MYH16: variants seen among roughly 807,000 people sequenced by gnomAD.
MYH16 encodes the protein myosin heavy chain 16.
chr7:99,270,738 G>A (rs1263216351), intron 18 of MYH16, among the ~76,000 whole-genome samples: 5 of 152,004 alleles, frequency 3.3e-5, no homozygotes, highest in Non-Finnish European at 5.9e-5. Context: ...AATAAATTTA[G>A]CCAGGCATGG....
intron 20 of MYH16, among the ~76,000 whole-genome samples, chr7:99,274,617 C>T (rs540289727): frequency 2.6e-5 from 4 of 151,914 alleles, no homozygotes; most frequent in East Asian, 1.9e-4. Context: ...TTGCCGGTGC[C>T]GCCTGGCTTT....
intron 40 of MYH16, among the ~76,000 whole-genome samples, 192 bp downstream of exon 21, chr7:99,304,948 G>C (rs543356966): frequency 6.6e-6 from 1 of 152,172 alleles, no homozygotes; most frequent in Non-Finnish European, 1.5e-5. Flanking sequence ...TACTTTAGGA[G>C]GCCAAGGCGG....
chr7:99,285,624 C>A (rs542093399), intron 27 of MYH16, among the ~76,000 whole-genome samples, 186 bp downstream of exon 9: 1 of 152,150 alleles, frequency 6.6e-6, no homozygotes, highest in Non-Finnish European at 1.5e-5. Context: ...TTAATCATGA[C>A]GTGAAAGGCA....
intron 11 of MYH16, among the ~76,000 whole-genome samples, chr7:99,259,455 TTTTG>T (rs997846132): frequency 3.3e-5 from 5 of 152,034 alleles, no homozygotes; most frequent in African/African-American, 7.2e-5. Flanking sequence ...CTTTTTTTAT[TTTTG>T]TTTATTTATT....
chr7:99,257,804 G>A (rs1010635502), intron 10 of MYH16, among the ~76,000 whole-genome samples: 2 of 151,914 alleles, frequency 1.3e-5, no homozygotes, highest in Admixed American at 6.6e-5. Flanking sequence ...ACGCCACCAC[G>A]CCTGGCTAAT....
At chr7:99,301,238 G>A (rs2150836501) in intron 37 of MYH16, among the ~76,000 whole-genome samples, 1 of 151,216 alleles carries the variant, frequency 6.6e-6, no homozygotes, top group East Asian at 2.0e-4. Flanking sequence ...AGAAATAAGA[G>A]GACAGAAGAG....
At position 99,282,735 on chromosome 7, in the gene MYH16, C is replaced by T. The variant is rs76019811; in HGVS notation, n.2993-830C>T. On this transcript the variant is annotated intron_variant and non_coding_transcript_variant, in intron 23 of 41. Transcript: ENST00000439784. ...AAAAAAATTAGCTGGGAGGCTGAGG[C>T]GAGAGGGTTGCTTGAGCCCAAGAGG... Among the ~76,000 whole-genome samples, 1,722 of 151,420 alleles carry T rather than the reference C, an allele frequency of 0.011. 118 individuals are homozygous for T. In the South Asian group the frequency reaches 0.19, roughly 17 times the overall value.
chr7:99,281,104 G>C (rs886525951), intron 23 of MYH16, 124 bp downstream of exon 5: 2 of 195,736 alleles, frequency 1.0e-5, no homozygotes, highest in Admixed American at 6.3e-5. Flanking sequence ...TGGGGCCTTA[G>C]GGAAGTTAAG....
chr7:99,254,950 T>C (rs7812063), intron 8 of MYH16, among the ~76,000 whole-genome samples: 122,465 of 151,934 alleles, frequency 0.81, 50,357 homozygotes, highest in Non-Finnish European at 0.9. Context: ...GCCTGGGCAA[T>C]TTAGCAAGAC....
At chr7:99,245,049 A>G (rs1045477012) in intron 2 of MYH16, among the ~76,000 whole-genome samples, 2 of 152,104 alleles carry the variant, frequency 1.3e-5, no homozygotes, top group African/African-American at 4.8e-5. Flanking sequence ...TTCTCTCTCA[A>G]TTCCTCCTGA....
At chr7:99,262,760 C>A (rs1791949799) in intron 13 of MYH16, among the ~76,000 whole-genome samples, 1 of 152,120 alleles carries the variant, frequency 6.6e-6, no homozygotes, top group African/African-American at 2.4e-5. Context: ...ATATGGAGCC[C>A]CCAGTGCTGG....
chr7:99,300,624 T>C lies in MYH16; in HGVS notation n.4933+966T>C, dbSNP rs529699081. On this transcript the variant is annotated intron_variant and non_coding_transcript_variant, in intron 37 of 41. Transcript: ENST00000439784. ...GAGTTCGTGACTGGCCTGGGCATCA[T>C]AGCGAGACCCCATCTCCACAAAAAA... 2.0e-5 allele frequency among the ~76,000 whole-genome samples: 3 copies of C among 152,226 alleles called. No individual in the cohort carries two copies. The East Asian group carries it at 5.8e-4, about 29-fold the overall frequency.
chr7:99,260,493 G>C, intron 12 of MYH16: 1 of 404,220 alleles, frequency 2.5e-6, no homozygotes, highest in Non-Finnish European at 4.7e-6. Flanking sequence ...AATGGGTACT[G>C]AAGTGACTGC....
intron 12 of MYH16, chr7:99,260,570 G>T (rs1231570914): frequency 1.1e-5 from 3 of 262,752 alleles, no homozygotes; most frequent in African/African-American, 2.2e-5. Flanking sequence ...TACTGCATGT[G>T]GGGGAGGGGA....
exon 18 of MYH16, chr7:99,266,967 ACAC>A (rs1274701876): frequency 6.6e-6 from 1 of 152,666 alleles, no homozygotes; most frequent in Admixed American, 6.5e-5. Flanking sequence ...AAAATTGGAC[ACAC>A]CAAGGTAGGG....
chr7:99,296,579 A>G, intron 33 of MYH16, 122 bp from the exon 15 acceptor site: 1 of 387,066 alleles, frequency 2.6e-6, no homozygotes, highest in Non-Finnish European at 5.2e-6. Context: ...CCAATTCCCA[A>G]GGAGTCCGTA....
intron 6 of MYH16, among the ~76,000 whole-genome samples, chr7:99,251,775 G>C (rs1427277348): frequency 6.6e-6 from 1 of 152,120 alleles, no homozygotes; most frequent in East Asian, 1.9e-4. Context: ...TTTGAGACCA[G>C]CCTCGGCAAC....
At chr7:99,289,446 G>A in intron 30 of MYH16, 42 bp downstream of exon 11, 2 of 315,550 alleles carry the variant, frequency 6.3e-6, no homozygotes, top group South Asian at 4.6e-5. Context: ...AGCAGTGCAT[G>A]GAAAGGAACT....
chr7:99,304,996 G>A, intron 40 of MYH16, among the ~76,000 whole-genome samples: 1 of 152,032 alleles, frequency 6.6e-6, no homozygotes, highest in Non-Finnish European at 1.5e-5. Context: ...GACCAGCCGG[G>A]GCAACATAGT....
Sources: allele counts gnomAD v4.1 joint callset (sites outside exome capture counted in the v4.1 genomes callset), GRCh38; gene constraint gnomAD v4.1.1; transcripts MANE v1.5; gene names NCBI Gene and HGNC (gene_info 2026-07-23, HGNC 2026-07-21).